Variants in IGFL2 observed in about 807,000 individuals in gnomAD.
IGFL2 encodes insulin growth factor-like family member 2.
In IGFL2, 7 loss-of-function variants were observed where a neutral mutation model predicts 13.9. The ratio of observed to expected loss-of-function variants is 0.51; its 90% CI spans 0.29 to 0.95. The LOEUF is 0.95. Among genes scored for constraint, IGFL2 ranks in the 40% least tolerant of loss-of-function variants. The pLI, the probability that IGFL2 is intolerant of heterozygous loss-of-function variation, is 0.08. For missense variants in IGFL2, 138 were observed against 147.8 expected, an observed-to-expected ratio of 0.93 and a Z score of 0.34; for synonymous variants, 55 against 55.8, an observed-to-expected ratio of 0.99 and a Z score of 0.07.
the IGFL2 span, chr19:46,124,101 G>C: frequency 6.2e-7 from 1 of 1,611,484 alleles, no homozygotes; most frequent in Non-Finnish European, 8.5e-7. Context: ...TGTAGATCTT[G>C]TTCCCACACC....
chr19:46,168,144 A>G, the IGFL2 span, among the ~76,000 whole-genome samples: 2 of 152,226 alleles, frequency 1.3e-5, no homozygotes, highest in African/African-American at 2.4e-5. Context: ...TGTGTTGCCC[A>G]TCTTGGTCTC....
At chr19:46,166,264 T>A (rs1830564492), downstream of IGFL2, among the ~76,000 whole-genome samples, 1 of 152,068 alleles carries the variant, frequency 6.6e-6, no homozygotes, top group African/African-American at 2.4e-5. Flanking sequence ...AAGAGAGAAA[T>A]TTTAAAGCTG....
chr19:46,101,872 T>C, the IGFL2 span, among the ~76,000 whole-genome samples: 4 of 152,124 alleles, frequency 2.6e-5, no homozygotes, highest in Non-Finnish European at 5.9e-5. Flanking sequence ...AAAAGCAGTT[T>C]CCAAGGCTAG....
At chr19:46,166,249 T>TA (rs1360642757), downstream of IGFL2, among the ~76,000 whole-genome samples, 1 of 151,758 alleles carries the variant, frequency 6.6e-6, no homozygotes, top group Non-Finnish European at 1.5e-5. Flanking sequence ...AGGGACAGAG[T>TA]ACGAAAGAGA....
At chr19:46,124,268 C>T in the IGFL2 span, 3 of 1,610,622 alleles carry the variant, frequency 1.9e-6, no homozygotes, top group East Asian at 6.7e-5. Context: ...CTGTCCTTAC[C>T]TGTAGTTCCT....
chr19:46,187,463 A>G, the IGFL2 span, among the ~76,000 whole-genome samples: 1 of 144,556 alleles, frequency 6.9e-6, no homozygotes, highest in African/African-American at 2.7e-5. Context: ...CTGATCAGAG[A>G]CGGTAAGCAT....
chr19:46,179,090 G>T, the IGFL2 span, among the ~76,000 whole-genome samples: 2 of 152,062 alleles, frequency 1.3e-5, no homozygotes, highest in Non-Finnish European at 2.9e-5. Flanking sequence ...GGCTGCAGGG[G>T]TCCGGGCAGA....
At chr19:46,180,817 C>G in the IGFL2 span, among the ~76,000 whole-genome samples, 1 of 152,232 alleles carries the variant, frequency 6.6e-6, no homozygotes, top group Non-Finnish European at 1.5e-5. Flanking sequence ...TCTTGATGTT[C>G]AAGAGCAGGG....
At chr19:46,096,231 T>C in the IGFL2 span, among the ~76,000 whole-genome samples, 7 of 152,310 alleles carry the variant, frequency 4.6e-5, no homozygotes, top group African/African-American at 1.7e-4. Context: ...GAAGGGGTTC[T>C]TCACATCCCT....
At chr19:46,167,034 A>T in the IGFL2 span, among the ~76,000 whole-genome samples, 697 of 152,390 alleles carry the variant, frequency 4.6e-3, 23 homozygotes, top group Admixed American at 0.036. Flanking sequence ...ATAGGAAATC[A>T]CAAGGGTATT....
chr19:46,106,250 G>T, the IGFL2 span, among the ~76,000 whole-genome samples: 1 of 152,176 alleles, frequency 6.6e-6, no homozygotes, highest in Non-Finnish European at 1.5e-5. Flanking sequence ...ATATCCTTTT[G>T]AGAATAGATG....
In IGFL2 at chr19:46,160,412, C is replaced by T. The variant is rs201174905; in HGVS notation, c.20-3C>T. ...TCCTTAACCTCCTTTCTTTCTCTCC[C>T]AGCTCCTGCTTATGTGTCAGTCTGT... On this transcript the variant is annotated splice_polypyrimidine_tract_variant and splice_region_variant and intron_variant, in intron 1 of 3. Transcript: ENST00000377693. The T allele has an allele frequency of 6.2e-7, 1 of 1,612,736 alleles. No homozygotes were observed. The highest frequency in any genetic ancestry group is 1.3e-5 in the African/African-American group (1 of 75,012).
chr19:46,145,778 G>C (rs1973106427), upstream of IGFL2, among the ~76,000 whole-genome samples: 2 of 152,020 alleles, frequency 1.3e-5, no homozygotes, highest in African/African-American at 2.4e-5. Context: ...TTTGCTATCT[G>C]TATGTCCTCT....
At chr19:46,114,340 G>C in the IGFL2 span, among the ~76,000 whole-genome samples, 1 of 152,156 alleles carries the variant, frequency 6.6e-6, no homozygotes, top group Non-Finnish European at 1.5e-5. Flanking sequence ...CCACTATAAA[G>C]CTTTCCTACT....
At chr19:46,162,739 A>C (rs528548620), downstream of IGFL2, among the ~76,000 whole-genome samples, 3 of 152,302 alleles carry the variant, frequency 2.0e-5, no homozygotes, top group Admixed American at 1.3e-4. Context: ...GGGTTTTGCC[A>C]TCCTCCTGAA....
chr19:46,094,581 A>T, the IGFL2 span, among the ~76,000 whole-genome samples: 1 of 151,824 alleles, frequency 6.6e-6, no homozygotes, highest in Non-Finnish European at 1.5e-5. Context: ...GGTTTGTCAC[A>T]CAGGTAAACG....
the IGFL2 span, among the ~76,000 whole-genome samples, chr19:46,170,163 G>C: frequency 1.3e-5 from 2 of 152,034 alleles, no homozygotes; most frequent in Non-Finnish European, 2.9e-5. Flanking sequence ...TGGGTGCACC[G>C]AGAGAGAGTA....
chr19:46,114,196 A>G, the IGFL2 span, among the ~76,000 whole-genome samples: 1 of 152,178 alleles, frequency 6.6e-6, no homozygotes, highest in African/African-American at 2.4e-5. Context: ...CTAACTTAGG[A>G]GCAACGTAGG....
chr19:46,102,715 A>G, the IGFL2 span, among the ~76,000 whole-genome samples: 1 of 152,286 alleles, frequency 6.6e-6, no homozygotes, highest in Middle Eastern at 3.4e-3. Flanking sequence ...TGCAGGTCAC[A>G]GGGGATATGA....
Sources: allele counts gnomAD v4.1 joint callset (sites outside exome capture counted in the v4.1 genomes callset), GRCh38; gene constraint gnomAD v4.1.1; transcripts MANE v1.5; gene names NCBI Gene and HGNC (gene_info 2026-07-23, HGNC 2026-07-21).